SAMD12: variants seen among roughly 807,000 people sequenced by gnomAD.
The protein encoded by SAMD12 is sterile alpha motif domain-containing protein 12.
Under a neutral mutation model 15.0 loss-of-function variants are expected in SAMD12, and 9 were observed. The ratio of observed to expected loss-of-function variants is 0.60; its 90% CI spans 0.36 to 1.05. The LOEUF is 1.05. Ranked by LOEUF, SAMD12 falls within the 50% of genes least tolerant of loss-of-function variation. The pLI, the probability that SAMD12 is intolerant of heterozygous loss-of-function variation, is 0.01. For synonymous variants in SAMD12, 86 were observed against 90.1 expected (o/e 0.96, Z 0.25); for missense variants, 230 against 234.2 (o/e 0.98, Z 0.12).
At chr8:118,316,465 G>A (rs1815910054) in intron 4 of SAMD12, among the ~76,000 whole-genome samples, 1 of 152,000 alleles carries the variant, frequency 6.6e-6, no homozygotes, top group African/African-American at 2.4e-5. Context: ...GAGTCCAGGA[G>A]TCGGAGGTCG....
chr8:118,179,019 G>T, the SAMD12 span, among the ~76,000 whole-genome samples: 1 of 152,278 alleles, frequency 6.6e-6, no homozygotes, highest in Middle Eastern at 3.4e-3. Flanking sequence ...GGGGTTGGGT[G>T]GGCATCATCA....
At chr8:118,437,358 C>T (rs1822605927) in intron 3 of SAMD12, among the ~76,000 whole-genome samples, 5 of 152,234 alleles carry the variant, frequency 3.3e-5, no homozygotes, top group African/African-American at 4.8e-5. Context: ...TCTCTCTGTT[C>T]CCTAAGTCCC....
At chr8:118,521,592 T>G (rs928250524) in intron 2 of SAMD12, among the ~76,000 whole-genome samples, 3 of 152,214 alleles carry the variant, frequency 2.0e-5, no homozygotes, top group Non-Finnish European at 2.9e-5. Flanking sequence ...GATATGCACA[T>G]GTATGGCTGA....
At chr8:118,316,635 C>T (rs918874666) in intron 4 of SAMD12, among the ~76,000 whole-genome samples, 3 of 151,896 alleles carry the variant, frequency 2.0e-5, no homozygotes, top group African/African-American at 7.3e-5. Flanking sequence ...TTAGAACTCC[C>T]TTTGACTCCT....
intron 4 of SAMD12, among the ~76,000 whole-genome samples, chr8:118,364,009 T>C (rs745512631): frequency 2.0e-5 from 3 of 152,238 alleles, no homozygotes; most frequent in African/African-American, 7.2e-5. Context: ...TAGTATCTAA[T>C]GCTAATGTTA....
chr8:118,439,694 T>C, intron 3 of SAMD12, 138 bp downstream of exon 3: 1 of 758,012 alleles, frequency 1.3e-6, no homozygotes, highest in Non-Finnish European at 2.2e-6. Flanking sequence ...GGATCTGGAA[T>C]TTATCACCCC....
intron 4 of SAMD12, among the ~76,000 whole-genome samples, chr8:118,293,058 A>AAAAC (rs146263489): frequency 6.6e-6 from 1 of 151,962 alleles, no homozygotes; most frequent in Non-Finnish European, 1.5e-5. Context: ...TAATAATAAA[A>AAAAC]AAACAAACAA....
intron 2 of SAMD12, among the ~76,000 whole-genome samples, chr8:118,558,641 C>T (rs1160072269): frequency 6.6e-6 from 1 of 152,144 alleles, no homozygotes; most frequent in Non-Finnish European, 1.5e-5. Flanking sequence ...TCACGGCAAG[C>T]TCCACCTCCC....
At chr8:118,548,431 T>A (rs1826201631) in intron 2 of SAMD12, among the ~76,000 whole-genome samples, 1 of 142,946 alleles carries the variant, frequency 7.0e-6, no homozygotes, top group African/African-American at 2.6e-5. Flanking sequence ...ACACCCCATG[T>A]GATGGGTAAC....
At chr8:118,467,699 T>C (rs972330672) in intron 2 of SAMD12, among the ~76,000 whole-genome samples, 5 of 152,178 alleles carry the variant, frequency 3.3e-5, no homozygotes, top group Non-Finnish European at 5.9e-5. Flanking sequence ...CTGGCACAGG[T>C]CAAACGTGCT....
intron 2 of SAMD12, among the ~76,000 whole-genome samples, chr8:118,524,148 T>C (rs191396844): frequency 9.2e-5 from 14 of 152,238 alleles, no homozygotes; most frequent in Non-Finnish European, 4.4e-5. Flanking sequence ...TTGTTCTTGC[T>C]CTTGTTCTCC....
In SAMD12 at chr8:118,590,486, C is replaced by A. The variant is rs184650968; in HGVS notation, c.14-9593G>T. ...TATGAGAGGTGAGCCTTCCTTCCTG[C>A]GATTGTGTCAGAGGAAGTCTGGTAG... On this transcript the variant is annotated intron_variant, in intron 1 of 3. Transcript: ENST00000314727. Among the ~76,000 whole-genome samples the A allele has an allele frequency of 1.2e-3, 190 of 152,294 alleles. 1 individual carries two copies. Among genetic ancestry groups the A allele is most frequent in the Non-Finnish European group, 2.0e-3 (136 of 68,016 alleles).
At chr8:118,301,585 T>C (rs1815027682) in intron 4 of SAMD12, among the ~76,000 whole-genome samples, 2 of 152,252 alleles carry the variant, frequency 1.3e-5, no homozygotes, top group South Asian at 4.1e-4. Context: ...GTTGTACTTC[T>C]GTTTATGGTA....
intron 2 of SAMD12, among the ~76,000 whole-genome samples, chr8:118,491,072 G>C (rs963315084): frequency 3.3e-5 from 5 of 152,078 alleles, no homozygotes; most frequent in Admixed American, 6.6e-5. Context: ...GAATGAACAT[G>C]ACTATACCCA....
the SAMD12 span, among the ~76,000 whole-genome samples, chr8:118,135,423 G>A: frequency 2.0e-5 from 3 of 152,154 alleles, no homozygotes; most frequent in African/African-American, 4.8e-5. Flanking sequence ...CTCGTGATCT[G>A]CCTGCCTCAG....
chr8:118,287,127 T>TTG (rs201786116), intron 4 of SAMD12, among the ~76,000 whole-genome samples: 11,079 of 114,164 alleles, frequency 0.097, 786 homozygotes, highest in East Asian at 0.5. Flanking sequence ...AGAATATTTT[T>TTG]TTTTTTTTTT....
At chr8:118,539,884 A>G (rs1415102474) in intron 2 of SAMD12, among the ~76,000 whole-genome samples, 2 of 152,214 alleles carry the variant, frequency 1.3e-5, no homozygotes, top group African/African-American at 4.8e-5. Context: ...ACCTGGAGAC[A>G]GAATACTTTC....
intron 4 of SAMD12, among the ~76,000 whole-genome samples, chr8:118,332,666 G>A (rs533016409): frequency 3.3e-5 from 5 of 152,328 alleles, no homozygotes; most frequent in East Asian, 1.9e-4. Flanking sequence ...CTGCCACAGC[G>A]TCATCCCTTG....
At chr8:118,394,036 T>C in intron 3 of SAMD12, among the ~76,000 whole-genome samples, 1 of 148,630 alleles carries the variant, frequency 6.7e-6, no homozygotes, top group African/African-American at 2.5e-5. Flanking sequence ...TGACAAAAAT[T>C]TGAGGAAACC....
Sources: gnomAD v4.1 joint callset for allele counts (sites outside exome capture counted in the v4.1 genomes callset) on GRCh38, gnomAD v4.1.1 for gene constraint, MANE v1.5 for transcripts, NCBI Gene and HGNC (gene_info 2026-07-23, HGNC 2026-07-21) for gene names.